The following BTBD10 variants were observed in gnomAD, a reference collection of about 807,000 sequenced individuals.
BTBD10 encodes BTB/POZ domain-containing protein 10.
Under a neutral mutation model 53.2 loss-of-function variants are expected in BTBD10, and 21 were observed. That is an observed-to-expected ratio of 0.39 (90% CI 0.28 to 0.57). BTBD10 has a LOEUF of 0.57. Ranked by LOEUF, BTBD10 falls within the 20% of genes least tolerant of loss-of-function variation. The probability of loss-of-function intolerance (pLI) is 0.53; values close to 1 mark genes in which losing one functional copy is unlikely to be tolerated. For missense variants in BTBD10, 360 were observed against 594.7 expected, an observed-to-expected ratio of 0.61 and a Z score of 4.10; for synonymous variants, 149 against 192.7, an observed-to-expected ratio of 0.77 and a Z score of 1.88.
intron 2 of BTBD10, among the ~76,000 whole-genome samples, chr11:13,429,136 T>C (rs1054815696): frequency 1.7e-4 from 26 of 152,068 alleles, no homozygotes; most frequent in African/African-American, 3.6e-4. Flanking sequence ...AACTCACACA[T>C]TGGAAATTAT....
intron 2 of BTBD10, among the ~76,000 whole-genome samples, chr11:13,434,008 T>C (rs1591149805): frequency 2.0e-5 from 3 of 152,174 alleles, no homozygotes; most frequent in Admixed American, 1.3e-4. Flanking sequence ...ACTGAAGAAT[T>C]AGTTAAATTC....
In BTBD10 at chr11:13,394,600, GTTTA is replaced by G. The variant is rs539651206; in HGVS notation, c.1118-5463_1118-5460del. Among the ~76,000 whole-genome samples the G allele has an allele frequency of 2.6e-5, 4 of 152,032 alleles. No individual in the cohort carries two copies. The South Asian group carries it at 6.2e-4, about 24-fold the overall frequency. On this transcript the variant is annotated intron_variant, in intron 8 of 8. Transcript: ENST00000278174. ...TAGGGTACACGTGCACAACGTGCAG[GTTTA>G]TTACATATTTATACATGTGCCATGT...
chr11:13,448,819 G>A (rs1210846488), intron 1 of BTBD10, among the ~76,000 whole-genome samples: 2 of 152,148 alleles, frequency 1.3e-5, no homozygotes, highest in East Asian at 3.8e-4. Context: ...TCTGGCACTT[G>A]AATCCCCAAT....
At chr11:13,403,639 A>G (rs1949757928) in intron 7 of BTBD10, among the ~76,000 whole-genome samples, 2 of 152,208 alleles carry the variant, frequency 1.3e-5, no homozygotes, top group Admixed American at 1.3e-4. Flanking sequence ...CAAGCAAAGT[A>G]AAGGACTTTG....
chr11:13,415,216 G>T (rs1950072730), intron 5 of BTBD10, among the ~76,000 whole-genome samples: 2 of 144,624 alleles, frequency 1.4e-5, no homozygotes, highest in Admixed American at 7.3e-5. Context: ...TGGCTCAAAA[G>T]ATCTTCCCAC....
In BTBD10 at chr11:13,405,797, C is replaced by T; in HGVS notation, c.868G>A (p.Glu290Lys). The T allele has an allele frequency of 1.2e-6, 2 of 1,613,690 alleles. No individual in the cohort carries two copies. Residue 290 changes from glutamate (E) to lysine (K), a missense_variant, in exon 7 of 9, where the codon GAA (glutamate) becomes AAA (lysine). Around this residue, in one of 6 missense-constraint regions of BTBD10, gnomAD observed 91 missense variants for 171.7 expected, o/e 0.53. Transcript: ENST00000278174. Reference protein sequence around the residue: ...GARRQFEFYLEEMILPLMVAS... With the variant: ...GARRQFEFYLKEMILPLMVAS... Reference sequence around the variant, plus strand: ...ACCATGAGAGGGAGGATCATTTCTTCCAGATAAAATTCAAATTGTCTACGA... The same window carrying T: ...ACCATGAGAGGGAGGATCATTTCTTTCAGATAAAATTCAAATTGTCTACGA...
chr11:13,405,550 G>T lies in BTBD10; in HGVS notation c.1006+109C>A, dbSNP rs1420443283. On this transcript the variant is annotated intron_variant, in intron 7 of 8. Transcript: ENST00000278174. The stretch of plus-strand genomic sequence containing the variant: ...TAAAACTTAATTTATAAAAATAGGT[G>T]ATGGGCTGGATTGACCCCCAGGCTG... The T allele has an allele frequency of 3.4e-6, 4 of 1,163,318 alleles. No individual in the cohort carries two copies. The African/African-American group carries it at 6.2e-5, about 18-fold the overall frequency. The allele number at this position is 1,163,318 out of a possible 1,614,324, so 72.1% of individuals were successfully genotyped here.
chr11:13,391,487 TAAATAATG>T (rs1949404021), intron 8 of BTBD10, among the ~76,000 whole-genome samples: 1 of 152,220 alleles, frequency 6.6e-6, no homozygotes, highest in African/African-American at 2.4e-5. Flanking sequence ...CTCTCTGACC[TAAATAATG>T]AGTTCCTATA....
rs186552496 is a variant in BTBD10 at position 13,411,467 on chromosome 11, T to A, written c.808+2063A>T. 3.2e-3 allele frequency among the ~76,000 whole-genome samples: 495 copies of A among 152,312 alleles called. 3 individuals carry two copies. Among genetic ancestry groups the A allele is most frequent in the Non-Finnish European group, 2.1e-3 (145 of 68,020 alleles). On this transcript the variant is annotated intron_variant, in intron 6 of 8. Coordinates refer to ENST00000278174, the MANE Select transcript of BTBD10 (RefSeq NM_032320.7). ...CTTCAAATTCTATATAGTTTTTTTT[T>A]AAAACGTCTTTGAGAATCTCTAAAT... is the stretch of plus-strand genomic sequence containing the variant.
chr11:13,423,691 G>A (rs939219952), intron 2 of BTBD10, among the ~76,000 whole-genome samples: 4 of 152,038 alleles, frequency 2.6e-5, no homozygotes, highest in African/African-American at 9.7e-5. Context: ...CAGTGTCTCC[G>A]GGTCATCTCT....
intron 2 of BTBD10, among the ~76,000 whole-genome samples, chr11:13,444,036 T>C (rs770060809): frequency 6.6e-6 from 1 of 152,172 alleles, no homozygotes; most frequent in African/African-American, 2.4e-5. Context: ...CATGGACTTA[T>C]AAATTATTAA....
intron 5 of BTBD10, among the ~76,000 whole-genome samples, chr11:13,416,930 A>T (rs112175794): frequency 0.027 from 4,147 of 152,286 alleles, 146 homozygotes; most frequent in South Asian, 0.083. Context: ...GGCTGCAGTG[A>T]GCTATGATTG....
rs769334333 is a variant in BTBD10, at chr11:13,425,936, T to C, written c.102-4098A>G. Among the ~76,000 whole-genome samples the C allele has an allele frequency of 7.8e-4, 118 of 152,070 alleles. 1 individual carries two copies. The highest frequency in any genetic ancestry group is 1.0e-3 in the Non-Finnish European group (71 of 68,002). On this transcript the variant is annotated intron_variant, in intron 2 of 8. Coordinates refer to ENST00000278174, the MANE Select transcript of BTBD10 (RefSeq NM_032320.7). ...GGAATTAATGGGAGATTACACATTA[T>C]AGAAGAAATGATTAACAAATTTGAA...
intron 4 of BTBD10, 108 bp from the exon 5 acceptor site, chr11:13,417,368 C>G: frequency 1.4e-6 from 1 of 720,024 alleles, no homozygotes; most frequent in South Asian, 2.8e-5. Context: ...AAATTTAGTT[C>G]AAGAATTTTT....
intron 8 of BTBD10, among the ~76,000 whole-genome samples, chr11:13,402,283 C>G (rs974474679): frequency 5.9e-5 from 9 of 152,324 alleles, no homozygotes; most frequent in Non-Finnish European, 1.3e-4. Context: ...ATGATCAACA[C>G]TATTATCTTC....
intron 7 of BTBD10, 134 bp downstream of exon 7, chr11:13,405,525 T>A (rs1052985230): frequency 1.4e-5 from 13 of 957,652 alleles, no homozygotes; most frequent in Non-Finnish European, 1.9e-5. Context: ...AGGCAATACA[T>A]AAAACTTAAT....
At chr11:13,459,054 ATTTATTTT>A (rs1565277460) in intron 1 of BTBD10, among the ~76,000 whole-genome samples, 1 of 117,854 alleles carries the variant, frequency 8.5e-6, no homozygotes, top group African/African-American at 3.4e-5. Flanking sequence ...TTTTTTATTT[ATTTATTTT>A]TTTTTTTTTT....
At chr11:13,395,580 T>C (rs1013374933) in intron 8 of BTBD10, among the ~76,000 whole-genome samples, 28 of 152,230 alleles carry the variant, frequency 1.8e-4, no homozygotes, top group Non-Finnish European at 1.2e-4. Flanking sequence ...TTGTTGCCAT[T>C]GCTTTTGGTG....
chr11:13,391,960 T>C (rs11022788), intron 8 of BTBD10, among the ~76,000 whole-genome samples: 23,985 of 152,080 alleles, frequency 0.16, 2,079 homozygotes, highest in Admixed American at 0.24. Context: ...GATAAATAGA[T>C]AGACAGAAGA....
Sources: allele counts gnomAD v4.1 joint callset (sites outside exome capture counted in the v4.1 genomes callset), GRCh38; gene constraint gnomAD v4.1.1; regional missense constraint gnomAD v4.1.1; transcripts MANE v1.5; gene names NCBI Gene and HGNC (gene_info 2026-07-23, HGNC 2026-07-21).